AK2: variants seen among roughly 807,000 people sequenced by gnomAD.
AK2 encodes the protein adenylate kinase 2, mitochondrial.
Under a neutral mutation model 24.6 loss-of-function variants are expected in AK2, and 15 were observed. That is an observed-to-expected ratio of 0.61 (90% CI 0.41 to 0.94). The LOEUF is 0.94. AK2 is among the 40% of genes least tolerant of loss of function. The pLI is 0.00. For synonymous variants in AK2, 102 were observed against 114.0 expected, an observed-to-expected ratio of 0.90 and a Z score of 0.67; for missense variants, 257 against 304.1, an observed-to-expected ratio of 0.85 and a Z score of 1.15.
At chr1:33,030,328 G>C (rs987504866) in intron 1 of AK2, among the ~76,000 whole-genome samples, 19 of 152,286 alleles carry the variant, frequency 1.2e-4, no homozygotes, top group African/African-American at 4.6e-4. Context: ...AGCACTTTGG[G>C]AGGATCACTT....
intron 1 of AK2, 24 bp from the exon 2 acceptor site, chr1:33,024,591 A>C: frequency 6.2e-7 from 1 of 1,614,060 alleles, no homozygotes; most frequent in South Asian, 1.1e-5. Context: ...GACAAAAACC[A>C]AGATTCAATT....
At chr1:33,034,090 G>T (rs911984787) in intron 1 of AK2, among the ~76,000 whole-genome samples, 1 of 152,038 alleles carries the variant, frequency 6.6e-6, no homozygotes, top group African/African-American at 2.4e-5. Flanking sequence ...GCCCAGGCTT[G>T]AACTTTTTTT....
Position 33,009,276 on chromosome 1 carries a change from G to A in AK2, c.*3905C>T, listed in dbSNP as rs759518797. The A allele has an allele frequency of 1.3e-5, 6 of 454,154 alleles. No individual in the cohort carries two copies. Among genetic ancestry groups the A allele is most frequent in the South Asian group, 9.3e-5 (6 of 64,480 alleles). The allele number at this position is 454,154 out of a possible 1,614,324, so 28.1% of individuals were successfully genotyped here. ...AGGCAGCCCTTCCAAAAACATGAGA[G>A]CTTTAGTTTGGAGAAATTATTTAAG... On this transcript the variant is annotated 3_prime_UTR_variant, in exon 6 of 6. Coordinates refer to ENST00000672715, the MANE Select transcript of AK2 (RefSeq NM_001625.4).
Position 33,011,341 on chromosome 1 carries a change from A to G in AK2, c.*1840T>C, listed in dbSNP as rs538057187. The G allele has an allele frequency of 9.9e-5, 127 of 1,288,150 alleles. 1 individual carries two copies. The South Asian group carries it at 1.5e-3, about 16-fold the overall frequency. 79.8% of individuals were successfully genotyped at this position (1,288,150 alleles called of 1,614,324 possible). A position where few individuals can be genotyped will look rare whatever the true frequency, so the allele number is the denominator to read the frequency against. On this transcript the variant is annotated 3_prime_UTR_variant, in exon 6 of 6. Coordinates refer to ENST00000672715, the MANE Select transcript of AK2 (RefSeq NM_001625.4). ...TCTTCCTTGCCCATTCCCAGAAGTC[A>G]TGTGCTTCCCAGAAACACACAAAGC...
rs769492229 is a variant in AK2, at chr1:33,012,818, GC to G, written c.*362del. 3 of 1,151,020 alleles carry G rather than the reference GC, an allele frequency of 2.6e-6. No individual in the cohort carries two copies. The South Asian group carries it at 3.8e-5, about 15-fold the overall frequency. The allele number at this position is 1,151,020 out of a possible 1,614,324, so 71.3% of individuals were successfully genotyped here. A position where few individuals can be genotyped will look rare whatever the true frequency, so the allele number is the denominator to read the frequency against. ...AGGCTGAGGTGGGATAATTGCTTGAGCCCCAGGAGGCAGAGGTTGCCGTGAG... is the reference window on the plus strand; with the variant it reads ...AGGCTGAGGTGGGATAATTGCTTGAGCCCAGGAGGCAGAGGTTGCCGTGAG... On this transcript the variant is annotated 3_prime_UTR_variant, in exon 6 of 6. Coordinates refer to ENST00000672715, the MANE Select transcript of AK2 (RefSeq NM_001625.4).
In AK2 at chr1:33,034,493, TC is replaced by T. The variant is rs1306834189; in HGVS notation, c.93+2242del. Among the ~76,000 whole-genome samples the T allele has an allele frequency of 1.4e-4, 20 of 143,660 alleles. No homozygotes were observed. The East Asian group carries it at 2.8e-3, about 20-fold the overall frequency. The allele number at this position is 143,660 out of a possible 152,430, so 94.2% of individuals were successfully genotyped here. ...ACACACACACACACACACACATATA[TC>T]ATAATTTTCCAGTATCATTGTGAAT... is the stretch of plus-strand genomic sequence containing the variant. On this transcript the variant is annotated intron_variant, in intron 1 of 5. Transcript: ENST00000672715.
chr1:33,013,460 C>T lies in AK2; in HGVS notation c.499-58G>A, dbSNP rs747208182. On this transcript the variant is annotated intron_variant, in intron 5 of 5. Transcript: ENST00000672715. ...GACTGTTAGCAAGGTTTTCTTATTC[C>T]ATGCCAGATGCAGATTTGAGATGGG... The T allele has an allele frequency of 1.8e-4, 275 of 1,567,944 alleles. 2 individuals are homozygous for T. Among genetic ancestry groups the T allele is most frequent in the Non-Finnish European group, 2.7e-5 (31 of 1,155,888 alleles).
Position 33,012,272 on chromosome 1 carries a change from C to G in AK2, c.*909G>C. ...ACAAAAATATTCCAATTTGGCCTGG[C>G]TCTTTTTATGACGATATCCTCTCCC... On this transcript the variant is annotated 3_prime_UTR_variant, in exon 6 of 6. Transcript: ENST00000672715. 3 of 1,534,654 alleles carry G rather than the reference C, an allele frequency of 2.0e-6. No homozygotes were observed. Among genetic ancestry groups the G allele is most frequent in the Non-Finnish European group, 2.6e-6 (3 of 1,146,554 alleles).
rs1170655920 is a variant in AK2 at position 33,012,125 on chromosome 1, G to A, written c.*1056C>T. 2.0e-6 allele frequency: 3 copies of A among 1,535,318 alleles called. No homozygotes were observed. The highest frequency in any genetic ancestry group is 2.6e-6 in the Non-Finnish European group (3 of 1,146,744). On this transcript the variant is annotated 3_prime_UTR_variant, in exon 6 of 6. Coordinates refer to ENST00000672715, the MANE Select transcript of AK2 (RefSeq NM_001625.4). ...TTGACTGCTCTCAGATGATCAGCCTGGATGTTCAGAAGACAATCTGAATTC... is the reference window on the plus strand; with the variant it reads ...TTGACTGCTCTCAGATGATCAGCCTAGATGTTCAGAAGACAATCTGAATTC...
At chr1:33,022,351 CTTTTTT>C (rs397862465) in intron 2 of AK2, among the ~76,000 whole-genome samples, 25 of 112,370 alleles carry the variant, frequency 2.2e-4, no homozygotes, top group Non-Finnish European at 3.6e-4. Context: ...TCTTCCCTCA[CTTTTTT>C]TTTTTTTTTT....
chr1:33,022,351 CTTTTTTTTTT>C (rs397862465), intron 2 of AK2, among the ~76,000 whole-genome samples: 2 of 112,368 alleles, frequency 1.8e-5, no homozygotes, highest in East Asian at 5.3e-4. Context: ...TCTTCCCTCA[CTTTTTTTTTT>C]TTTTTTTTTT....
intron 1 of AK2, among the ~76,000 whole-genome samples, chr1:33,027,332 C>T (rs1180826937): frequency 1.3e-5 from 2 of 152,210 alleles, no homozygotes; most frequent in African/African-American, 4.8e-5. Flanking sequence ...CAGAGAAGAG[C>T]TGTTAGCACA....
rs1639452415 is a variant in AK2 at position 33,020,230 on chromosome 1, A to ACAC, written c.425+1136_425+1137insGTG. On this transcript the variant is annotated intron_variant, in intron 4 of 5. Transcript: ENST00000672715. ...ACACACACACACACACACACACACAAAGTGGCTGTACTATGAGCAAATTCT... is the reference window on the plus strand; with the variant it reads ...ACACACACACACACACACACACACAACACAGTGGCTGTACTATGAGCAAATTCT... 7.2e-6 allele frequency: 5 copies of ACAC among 690,744 alleles called. No homozygotes were observed. In the East Asian group the frequency reaches 1.2e-4, roughly 16 times the overall value. 42.8% of individuals were successfully genotyped at this position (690,744 alleles called of 1,614,324 possible).
chr1:33,029,630 C>T (rs1569718543), intron 1 of AK2: 2 of 152,366 alleles, frequency 1.3e-5, no homozygotes, highest in East Asian at 3.9e-4. Flanking sequence ...CCAGGCTGGT[C>T]TCCAACTCCT....
chr1:33,013,531 C>T, intron 5 of AK2, 129 bp from the exon 6 acceptor site: 1 of 1,499,906 alleles, frequency 6.7e-7, no homozygotes, highest in Non-Finnish European at 9.0e-7. Context: ...CCATCAGAGA[C>T]AAAGACAGGC....
intron 1 of AK2, 118 bp downstream of exon 1, chr1:33,036,618 T>C (rs1311739915): frequency 4.3e-6 from 4 of 933,892 alleles, no homozygotes; most frequent in Non-Finnish European, 6.8e-6. Context: ...CCGGCCAGCG[T>C]TCCCCGCAGG....
In AK2 at chr1:33,014,571, C is replaced by T. The variant is rs149227118; in HGVS notation, c.449G>A (p.Arg150His). 7.6e-5 allele frequency: 122 copies of T among 1,612,068 alleles called. No individual in the cohort carries two copies. Among genetic ancestry groups the T allele is most frequent in the Non-Finnish European group, 1.0e-4 (119 of 1,178,688 alleles). Residue 150 changes from arginine to histidine, a missense_variant, in exon 5 of 6, where the codon CGT becomes CAT. Transcript: ENST00000672715. The stretch of plus-strand genomic sequence containing the variant: ...AGGGTTGAACTCCTCGTGGTAGGAA[C>T]GGCCACTCTTGGGGTGAATCAGCCT... ...TGRLIHPKSGRSYHEEFNPPK... is the reference protein window; with the variant it reads ...TGRLIHPKSGHSYHEEFNPPK...
At chr1:33,035,653 C>T (rs183706839) in intron 1 of AK2, among the ~76,000 whole-genome samples, 86 of 152,300 alleles carry the variant, frequency 5.6e-4, no homozygotes, top group Middle Eastern at 3.4e-3. Context: ...GAAATGAGAT[C>T]ATCGATCCCA....
At chr1:33,014,762 A>C (rs970174797) in intron 4 of AK2, among the ~76,000 whole-genome samples, 168 bp from the exon 5 acceptor site, 1 of 152,224 alleles carries the variant, frequency 6.6e-6, no homozygotes. Context: ...AGCTTATGCC[A>C]GCGGCAGAGT....
Sources: gnomAD v4.1 joint callset for allele counts (sites outside exome capture counted in the v4.1 genomes callset) on GRCh38, gnomAD v4.1.1 for gene constraint, MANE v1.5 for transcripts, NCBI Gene and HGNC (gene_info 2026-07-23, HGNC 2026-07-21) for gene names.